RAB27A: variants seen among roughly 807,000 people sequenced by gnomAD.
The protein encoded by RAB27A is RAB27A, member RAS oncogene family.
In RAB27A, 17 loss-of-function variants were observed where a neutral mutation model predicts 20.8. The observed-to-expected ratio is 0.82, with a 90% CI of 0.56 to 1.23. RAB27A has a LOEUF of 1.23. Ranked by LOEUF, RAB27A falls within the 50% of genes most tolerant of loss-of-function variation. RAB27A has a pLI of 0.00. For missense variants in RAB27A, 277 were observed against 266.7 expected (o/e 1.04, Z -0.27); for synonymous variants, 85 against 92.8 (o/e 0.92, Z 0.48).
chr15:55,315,027 G>GGTAAA (rs1190947561), intron 1 of RAB27A, among the ~76,000 whole-genome samples: 1 of 151,984 alleles, frequency 6.6e-6, no homozygotes, highest in Non-Finnish European at 1.5e-5. Flanking sequence ...AAAAGGCTAT[G>GGTAAA]GTAACCAAAA....
chr15:55,215,393 CT>C (rs1895233698), intron 6 of RAB27A, among the ~76,000 whole-genome samples: 1 of 152,194 alleles, frequency 6.6e-6, no homozygotes, highest in East Asian at 1.9e-4. Context: ...TGGCTCACGC[CT>C]GTCATCCCAG....
intron 6 of RAB27A, among the ~76,000 whole-genome samples, chr15:55,210,463 G>T (rs1894971929): frequency 6.8e-6 from 1 of 146,932 alleles, no homozygotes; most frequent in African/African-American, 2.6e-5. Context: ...TTGGATAAAA[G>T]TCATGTTAAC....
rs189664944 is a variant in RAB27A at position 55,252,863 on chromosome 15, G to A, written c.-23+17302C>T. On this transcript the variant is annotated intron_variant, in intron 2 of 6. Transcript: ENST00000336787. ...TTTGAAAGGCTCCCTGGCCGGGCGC[G>A]GTGGCTCACACCTGTAATCCCAGCA... Among the ~76,000 whole-genome samples the A allele has an allele frequency of 9.9e-5, 15 of 151,642 alleles. No individual in the cohort carries two copies. In the East Asian group the frequency reaches 1.2e-3, roughly 12 times the overall value.
intron 6 of RAB27A, among the ~76,000 whole-genome samples, chr15:55,217,324 A>G (rs1197612938): frequency 6.6e-6 from 1 of 152,038 alleles, no homozygotes; most frequent in Non-Finnish European, 1.5e-5. Context: ...ACTAGATGAG[A>G]GCCATAGAAA....
intron 2 of RAB27A, among the ~76,000 whole-genome samples, chr15:55,307,433 TTGAG>T (rs895491073): frequency 1.5e-4 from 23 of 152,080 alleles, no homozygotes; most frequent in African/African-American, 5.3e-4. Context: ...TAGATGTCGT[TTGAG>T]TGTTTCATTT....
At chr15:55,226,052 T>G (rs186952541) in intron 5 of RAB27A, among the ~76,000 whole-genome samples, 4 of 152,236 alleles carry the variant, frequency 2.6e-5, no homozygotes, top group African/African-American at 7.2e-5. Context: ...AATAAAGAAG[T>G]AAAAATATGT....
chr15:55,308,108 T>C (rs946340971), intron 2 of RAB27A, among the ~76,000 whole-genome samples: 3 of 152,158 alleles, frequency 2.0e-5, no homozygotes, highest in African/African-American at 7.2e-5. Flanking sequence ...ACGGGTCCTT[T>C]TATAAGCATT....
chr15:55,244,068 A>T (rs1468101263), intron 2 of RAB27A, among the ~76,000 whole-genome samples: 4 of 152,176 alleles, frequency 2.6e-5, no homozygotes, highest in Non-Finnish European at 5.9e-5. Context: ...TGGGAGGCTG[A>T]GGCAGATGGA....
intron 6 of RAB27A, among the ~76,000 whole-genome samples, chr15:55,211,427 T>C (rs899304936): frequency 7.2e-5 from 11 of 152,156 alleles, no homozygotes; most frequent in African/African-American, 2.7e-4. Context: ...CTTCAATTTC[T>C]CTCACCTGTG....
At chr15:55,268,983 T>G (rs1387687633) in intron 2 of RAB27A, among the ~76,000 whole-genome samples, 2 of 151,996 alleles carry the variant, frequency 1.3e-5, no homozygotes, top group Admixed American at 1.3e-4. Flanking sequence ...ATCACAGACA[T>G]GAACACAGGG....
At chr15:55,211,153 T>C (rs1895008210) in intron 6 of RAB27A, among the ~76,000 whole-genome samples, 1 of 152,198 alleles carries the variant, frequency 6.6e-6, no homozygotes, top group African/African-American at 2.4e-5. Context: ...GCTGATTTGG[T>C]TCCTATAGCT....
chr15:55,205,482 A>G lies in RAB27A; in HGVS notation c.*25T>C, dbSNP rs757881589. On this transcript the variant is annotated 3_prime_UTR_variant, in exon 7 of 7. Coordinates refer to ENST00000336787, the MANE Select transcript of RAB27A (RefSeq NM_183235.3). ...AAGATCCCAGGCATGGGCCACCTGA[A>G]CTACTATGTCGCTTACTTGACTTCT... The G allele has an allele frequency of 6.2e-7, 1 of 1,606,336 alleles. No homozygotes were observed. Among genetic ancestry groups the G allele is most frequent in the East Asian group, 2.2e-5 (1 of 44,832 alleles).
chr15:55,234,868 T>A lies in RAB27A; in HGVS notation c.67A>T (p.Thr23Ser), dbSNP rs1461262502. ...LALGDSGVGKTSVLYQYTDGK... is the reference protein window; with the variant it reads ...LALGDSGVGKSSVLYQYTDGK... ...TCTGTATATTGGTAAAGTACACTGG[T>A]CTTCCCTACACCAGAGTCTCCCAAA... The change falls in exon 3 of 7, where the codon ACC (threonine) becomes TCC (serine). Residue 23 changes from threonine to serine, a missense_variant. Coordinates refer to ENST00000336787, the MANE Select transcript of RAB27A (RefSeq NM_183235.3). 4.3e-6 allele frequency: 7 copies of A among 1,611,842 alleles called. No individual in the cohort carries two copies. In the African/African-American group the frequency reaches 6.7e-5, roughly 15 times the overall value.
intron 6 of RAB27A, among the ~76,000 whole-genome samples, chr15:55,214,056 CTG>C (rs1895149617): frequency 6.6e-6 from 1 of 152,104 alleles, no homozygotes; most frequent in African/African-American, 2.4e-5. Flanking sequence ...CTCAGTAATG[CTG>C]TCTTATTATT....
chr15:55,303,619 G>A (rs1219599258), intron 2 of RAB27A, among the ~76,000 whole-genome samples: 8 of 92,782 alleles, frequency 8.6e-5, no homozygotes, highest in African/African-American at 3.0e-4. Context: ...TGAGGGGGTC[G>A]GCCCCCCGCC....
chr15:55,282,304 T>A (rs1595746531), intron 1 of RAB27A, among the ~76,000 whole-genome samples: 1 of 152,188 alleles, frequency 6.6e-6, no homozygotes, highest in South Asian at 2.1e-4. Flanking sequence ...TCTGGAACCA[T>A]CCCTGCCATC....
At chr15:55,303,949 T>C (rs377303958) in intron 2 of RAB27A, among the ~76,000 whole-genome samples, 7 of 147,740 alleles carry the variant, frequency 4.7e-5, no homozygotes, top group African/African-American at 7.7e-5. Context: ...GCCACCACCC[T>C]GTCTGGGAGG....
intron 2 of RAB27A, among the ~76,000 whole-genome samples, chr15:55,302,290 G>T (rs930524864): frequency 2.6e-5 from 4 of 152,128 alleles, no homozygotes; most frequent in Non-Finnish European, 5.9e-5. Flanking sequence ...GGCCGGGCCG[G>T]TCTCCAGCCC....
intron 5 of RAB27A, among the ~76,000 whole-genome samples, chr15:55,227,672 C>T (rs1895864162): frequency 6.6e-6 from 1 of 152,150 alleles, no homozygotes; most frequent in Non-Finnish European, 1.5e-5. Flanking sequence ...ACAACACTGA[C>T]CCGAATCTTT....
Sources: gnomAD v4.1 joint callset for allele counts (sites outside exome capture counted in the v4.1 genomes callset) on GRCh38, gnomAD v4.1.1 for gene constraint, MANE v1.5 for transcripts, NCBI Gene and HGNC (gene_info 2026-07-23, HGNC 2026-07-21) for gene names.